WNK3: variants seen among roughly 807,000 people sequenced by gnomAD.
WNK3 encodes the protein serine/threonine-protein kinase WNK3.
A neutral mutation model predicts 116.7 loss-of-function variants in WNK3; 18 were observed. The observed-to-expected ratio is 0.15, with a 90% CI of 0.11 to 0.23. WNK3 has a LOEUF of 0.23. Among genes scored for constraint, WNK3 ranks in the 10% least tolerant of loss-of-function variants. The pLI is 1.00. For missense variants in WNK3, 993 were observed against 1,323.8 expected (o/e 0.75, Z 3.88); for synonymous variants, 404 against 469.4 (o/e 0.86, Z 1.80).
Position 54,228,755 on chromosome X carries a change from C to A in WNK3, c.4841-12G>T. ...AAGGCAGCTTTTCCCTGATATCAAA[C>A]CAGAAAAAGATAGTATCAAAATTTT... is the stretch of plus-strand genomic sequence containing the variant. On this transcript the variant is annotated splice_polypyrimidine_tract_variant and intron_variant, in intron 21 of 23. Transcript: ENST00000354646. 6.3e-6 allele frequency: 3 copies of A among 475,739 alleles called. No individual in the cohort carries two copies. Among genetic ancestry groups the A allele is most frequent in the Admixed American group, 3.2e-5 (1 of 31,720 alleles). The allele number at this position is 475,739 out of a possible 1,213,427, so 39.2% of individuals were successfully genotyped here. A position where few individuals can be genotyped will look rare whatever the true frequency, so the allele number is the denominator to read the frequency against.
intron 10 of WNK3, among the ~76,000 whole-genome samples, chrX:54,262,940 AAAAAAAAAG>A (rs2068271165): frequency 1.4e-4 from 1 of 7,369 alleles, no homozygotes; most frequent in African/African-American, 1.8e-3. Flanking sequence ...CAAAAAAAAA[AAAAAAAAAG>A]AAAAGAAAAG....
chrX:54,198,200 T>C, exon 24 of WNK3: 5 of 582,661 alleles, frequency 8.6e-6, no homozygotes, highest in Non-Finnish European at 1.3e-5. Context: ...AAAAAATATA[T>C]AGTCTAAAGT....
chrX:54,254,192 T>C, intron 12 of WNK3, 117 bp from the exon 13 acceptor site: 1 of 439,531 alleles, frequency 2.3e-6, no homozygotes, highest in Non-Finnish European at 4.0e-6. Flanking sequence ...CTTAAATAGT[T>C]CAGAATGTTT....
chrX:54,293,189 G>C (rs969124118), exon 9 of WNK3: 2 of 1,209,860 alleles, frequency 1.7e-6, no homozygotes. Flanking sequence ...AATTTGCCCT[G>C]GAACATTTAC....
intron 1 of WNK3, among the ~76,000 whole-genome samples, chrX:54,344,801 G>A (rs1262573342): frequency 9.2e-6 from 1 of 109,287 alleles, no homozygotes; most frequent in Non-Finnish European, 1.9e-5. Context: ...AATTTTAGCC[G>A]GGCGTGGTGG....
At chrX:54,337,254 A>G (rs1433481811) in intron 1 of WNK3, among the ~76,000 whole-genome samples, 6 of 111,410 alleles carry the variant, frequency 5.4e-5, no homozygotes, top group Middle Eastern at 4.6e-3. Context: ...TTACTACAGA[A>G]CCTATTTAAA....
chrX:54,262,847 G>A (rs1438953153), intron 10 of WNK3, among the ~76,000 whole-genome samples: 4 of 107,242 alleles, frequency 3.7e-5, no homozygotes, highest in Non-Finnish European at 7.7e-5. Flanking sequence ...CAAGAGAACT[G>A]CTTGAACCTG....
At chrX:54,345,280 A>ATG (rs1557177349) in intron 1 of WNK3, among the ~76,000 whole-genome samples, 139 of 100,952 alleles carry the variant, frequency 1.4e-3, no homozygotes, top group African/African-American at 5.2e-3. Context: ...ACAACTATAT[A>ATG]TATATGTATG....
intron 22 of WNK3, among the ~76,000 whole-genome samples, chrX:54,211,667 G>C (rs1415848875): frequency 9.1e-6 from 1 of 109,872 alleles, no homozygotes; most frequent in Non-Finnish European, 1.9e-5. Context: ...AGCCGGGCGT[G>C]GTGGCGGGCG....
intron 21 of WNK3, among the ~76,000 whole-genome samples, chrX:54,229,999 T>A (rs185380114): frequency 1.2e-3 from 137 of 111,448 alleles, no homozygotes; most frequent in African/African-American, 4.3e-3. Flanking sequence ...TCACAATTTT[T>A]AAAAAAAATT....
At chrX:54,306,289 T>G (rs1331397601) in intron 5 of WNK3, among the ~76,000 whole-genome samples, 3 of 111,330 alleles carry the variant, frequency 2.7e-5, no homozygotes, top group Non-Finnish European at 5.7e-5. Context: ...CAATTCTACT[T>G]CTTGGTACAT....
At chrX:54,302,757 A>ATATATT (rs1557167848) in intron 5 of WNK3, among the ~76,000 whole-genome samples, 3 of 43,367 alleles carry the variant, frequency 6.9e-5, no homozygotes, top group African/African-American at 1.1e-4. Context: ...ATATATATAT[A>ATATATT]TTTTTTTTTT....
At chrX:54,225,359 G>A (rs2067822932) in intron 22 of WNK3, among the ~76,000 whole-genome samples, 1 of 109,882 alleles carries the variant, frequency 9.1e-6, no homozygotes, top group African/African-American at 3.3e-5. Flanking sequence ...GGTGGCTCAC[G>A]ACTGTAAACC....
chrX:54,265,967 G>A (rs782127810), intron 10 of WNK3, among the ~76,000 whole-genome samples: 23 of 111,255 alleles, frequency 2.1e-4, no homozygotes, highest in African/African-American at 6.2e-4. Flanking sequence ...AGCCGAGATC[G>A]TGCCACTGCA....
intron 2 of WNK3, among the ~76,000 whole-genome samples, chrX:54,320,739 A>T (rs2069021365): frequency 9.2e-6 from 1 of 108,177 alleles, no homozygotes; most frequent in Non-Finnish European, 1.9e-5. Flanking sequence ...TGCTATGTTG[A>T]CCAGGCTGGT....
intron 7 of WNK3, among the ~76,000 whole-genome samples, chrX:54,295,669 T>C (rs917348087): frequency 3.6e-5 from 4 of 111,551 alleles, no homozygotes; most frequent in Non-Finnish European, 7.5e-5. Flanking sequence ...GTAAGTGTTT[T>C]CACAAAAGAA....
chrX:54,305,737 A>G (rs1557168492), intron 5 of WNK3, among the ~76,000 whole-genome samples: 1 of 108,626 alleles, frequency 9.2e-6, no homozygotes, highest in East Asian at 2.9e-4. Context: ...TGAAGATTGC[A>G]CCTATCTCGT....
intron 2 of WNK3, among the ~76,000 whole-genome samples, chrX:54,324,894 G>A (rs1473882800): frequency 8.9e-6 from 1 of 112,289 alleles, no homozygotes; most frequent in African/African-American, 3.2e-5. Flanking sequence ...AAATTCAACT[G>A]TTTTCGTATC....
rs377713590 is a variant in WNK3 at position 54,293,210 on chromosome X, G to A, written c.1811C>T (p.Pro604Leu). 45 of 1,208,969 alleles carry A rather than the reference G, an allele frequency of 3.7e-5. No individual in the cohort carries two copies. Among genetic ancestry groups the A allele is most frequent in the African/African-American group, 2.5e-4 (14 of 57,081 alleles). Residue 604 changes from proline to leucine, a missense_variant, in exon 9 of 24, where the codon CCG (proline) becomes CTG (leucine). By Grantham distance (98) the Pro-to-Leu change is moderately conservative. Transcript: ENST00000354646. ...CCCTGGAACATTTACTTCAGCCTGC[G>A]GGATATTAGAAACCATTTGAGAGCC... is the stretch of plus-strand genomic sequence containing the variant.
Sources: gnomAD v4.1 joint callset for allele counts (sites outside exome capture counted in the v4.1 genomes callset) on GRCh38, gnomAD v4.1.1 for gene constraint, MANE v1.5 for transcripts, NCBI Gene and HGNC (gene_info 2026-07-23, HGNC 2026-07-21) for gene names.